The following RPS6KA5 variants were observed in gnomAD, a reference collection of about 807,000 sequenced individuals.
The protein encoded by RPS6KA5 is ribosomal protein S6 kinase A5.
RPS6KA5 carries 27 observed loss-of-function variants against 85.5 expected under a neutral mutation model. The observed-to-expected ratio is 0.32, with a 90% CI of 0.23 to 0.44. The LOEUF is 0.44. RPS6KA5 is among the 20% of genes least tolerant of loss of function. RPS6KA5 has a pLI of 1.00. For missense variants in RPS6KA5, 811 were observed against 980.9 expected, an observed-to-expected ratio of 0.83 and a Z score of 2.31; for synonymous variants, 334 against 348.2, an observed-to-expected ratio of 0.96 and a Z score of 0.46.
chr14:90,884,513 T>C (rs769238154), intron 14 of RPS6KA5, among the ~76,000 whole-genome samples: 5 of 152,206 alleles, frequency 3.3e-5, no homozygotes, highest in Admixed American at 6.5e-5. Flanking sequence ...ACTCGACCTA[T>C]ACTGTGCTAA....
chr14:90,948,929 C>T (rs1005079478), intron 3 of RPS6KA5, among the ~76,000 whole-genome samples: 2 of 152,170 alleles, frequency 1.3e-5, no homozygotes, highest in Non-Finnish European at 1.5e-5. Context: ...TTTTCTTTTA[C>T]TTTGTCCATT....
At chr14:91,025,070 A>G (rs540127848) in intron 1 of RPS6KA5, among the ~76,000 whole-genome samples, 1 of 151,554 alleles carries the variant, frequency 6.6e-6, no homozygotes, top group East Asian at 1.9e-4. Flanking sequence ...GGGGGGATGG[A>G]GTCTCATTCA....
intron 5 of RPS6KA5, among the ~76,000 whole-genome samples, chr14:90,933,833 C>G (rs1042390995): frequency 1.3e-5 from 2 of 152,158 alleles, no homozygotes; most frequent in Non-Finnish European, 2.9e-5. Context: ...ATTCTGTATG[C>G]CCACAACGGC....
At chr14:91,052,478 A>C (rs778021487) in intron 1 of RPS6KA5, 29 of 244,272 alleles carry the variant, frequency 1.2e-4, no homozygotes, top group Admixed American at 7.3e-4. Flanking sequence ...AAAAAAAAAA[A>C]AAAAAACAGA....
Position 90,886,333 on chromosome 14 carries a change from T to C in RPS6KA5, c.1836+4154A>G, listed in dbSNP as rs1595127063. On this transcript the variant is annotated intron_variant, in intron 14 of 16. Coordinates refer to ENST00000614987, the MANE Select transcript of RPS6KA5 (RefSeq NM_004755.4). ...CACTTTAAACAAAATTTTATAACAC[T>C]TCACAGGTATGTTATATATCTTATC... Among the ~76,000 whole-genome samples, 3 of 152,344 alleles carry C rather than the reference T, an allele frequency of 2.0e-5. 1 individual carries two copies. In the South Asian group the frequency reaches 6.2e-4, roughly 32 times the overall value.
intron 3 of RPS6KA5, among the ~76,000 whole-genome samples, chr14:90,948,901 G>A (rs2038025144): frequency 6.6e-6 from 1 of 152,118 alleles, no homozygotes; most frequent in Non-Finnish European, 1.5e-5. Flanking sequence ...GAATGAAATT[G>A]TTCATGAACT....
intron 7 of RPS6KA5, among the ~76,000 whole-genome samples, chr14:90,911,817 GTTA>G (rs774290202): frequency 2.0e-5 from 3 of 152,154 alleles, no homozygotes; most frequent in Non-Finnish European, 4.4e-5. Flanking sequence ...GTCTCTGCGT[GTTA>G]TTATTGACTC....
chr14:90,892,461 T>A (rs1487422111), intron 13 of RPS6KA5, among the ~76,000 whole-genome samples: 1 of 152,232 alleles, frequency 6.6e-6, no homozygotes, highest in Non-Finnish European at 1.5e-5. Context: ...CAGTTCTACA[T>A]GGAGGAGGGT....
chr14:91,023,431 C>T (rs930336355), intron 1 of RPS6KA5, among the ~76,000 whole-genome samples: 2 of 151,962 alleles, frequency 1.3e-5, no homozygotes, highest in African/African-American at 2.4e-5. Context: ...GGACTACAGG[C>T]GTGCACCACC....
Position 90,872,253 on chromosome 14 carries a change from T to G in RPS6KA5, c.2230A>C (p.Arg744=). 2 of 1,614,112 alleles carry G rather than the reference T, an allele frequency of 1.2e-6. No individual in the cohort carries two copies. Among genetic ancestry groups the G allele is most frequent in the African/African-American group, 2.7e-5 (2 of 75,032 alleles). Residue 744 remains arginine (R), a synonymous_variant, in exon 17 of 17, where the codon AGA becomes CGA. Coordinates refer to ENST00000614987, the MANE Select transcript of RPS6KA5 (RefSeq NM_004755.4). The part of the protein sequence containing the change: ...NVDKAPLAKR[R]KMKKTSTSTE... ...CTGGTGCTAGTCTTTTTCATTTTTCTTCTCTTAGCCAAAGGGGCCTTATCA... is the reference window on the plus strand; with the variant it reads ...CTGGTGCTAGTCTTTTTCATTTTTCGTCTCTTAGCCAAAGGGGCCTTATCA...
chr14:91,019,543 C>T (rs1177037007), intron 1 of RPS6KA5, among the ~76,000 whole-genome samples: 1 of 152,184 alleles, frequency 6.6e-6, no homozygotes, highest in Non-Finnish European at 1.5e-5. Context: ...TTTGGACCTG[C>T]CAGTCTCCAT....
chr14:91,060,497 C>G lies in RPS6KA5; in HGVS notation c.-63G>C. On this transcript the variant is annotated 5_prime_UTR_variant, in exon 1 of 17. Coordinates refer to ENST00000614987, the MANE Select transcript of RPS6KA5 (RefSeq NM_004755.4). ...GGGAACCCAGGAGACAGCGGACGCCCGTCCCCTCGCAGCCGCTGCCGCGGC... is the reference window on the plus strand; with the variant it reads ...GGGAACCCAGGAGACAGCGGACGCCGGTCCCCTCGCAGCCGCTGCCGCGGC... The G allele has an allele frequency of 7.8e-7, 1 of 1,283,704 alleles. No individual in the cohort carries two copies. The highest frequency in any genetic ancestry group is 9.9e-7 in the Non-Finnish European group (1 of 1,006,438). The allele number at this position is 1,283,704 out of a possible 1,614,324, so 79.5% of individuals were successfully genotyped here.
chr14:90,982,401 G>A (rs2039833496), intron 2 of RPS6KA5, among the ~76,000 whole-genome samples: 1 of 152,100 alleles, frequency 6.6e-6, no homozygotes, highest in African/African-American at 2.4e-5. Flanking sequence ...GTTTGAGACA[G>A]CAGTGAGCCA....
At position 90,920,268 on chromosome 14, in the gene RPS6KA5, T is replaced by C; in HGVS notation, c.744A>G (p.Leu248=). 7 of 1,612,808 alleles carry C rather than the reference T, an allele frequency of 4.3e-6. No individual in the cohort carries two copies. Among genetic ancestry groups the C allele is most frequent in the Non-Finnish European group, 5.9e-6 (7 of 1,179,182 alleles). Residue 248 remains leucine (L), a synonymous_variant, in exon 7 of 17, where the codon TTA becomes TTG. Coordinates refer to ENST00000614987, the MANE Select transcript of RPS6KA5 (RefSeq NM_004755.4). ...WWSLGVLMYE[L]LTGASPFTVD... is the part of the protein sequence containing the mutation. ...CAGTGAAAGGAGATGCTCCAGTTAG[T>C]AATTCATACATTAGAACACCCAAAC...
At chr14:90,890,730 T>C (rs981745830) in intron 13 of RPS6KA5, 52 bp from the exon 14 acceptor site, 6 of 1,483,386 alleles carry the variant, frequency 4.0e-6, no homozygotes, top group Admixed American at 1.7e-5. Context: ...GTCTTGGGAA[T>C]TGCTGGTACT....
intron 5 of RPS6KA5, among the ~76,000 whole-genome samples, chr14:90,930,518 CA>C (rs1223619078): frequency 2.6e-5 from 4 of 151,876 alleles, no homozygotes; most frequent in African/African-American, 9.7e-5. Flanking sequence ...GCACAGACAA[CA>C]AAAGCAAAAA....
intron 5 of RPS6KA5, among the ~76,000 whole-genome samples, chr14:90,929,839 AGAATCAAGACTTAC>A (rs2036877185): frequency 6.6e-6 from 1 of 152,160 alleles, no homozygotes; most frequent in Admixed American, 6.6e-5. Flanking sequence ...TCACCTTTTC[AGAATCAAGACTTAC>A]TATAAAATGA....
chr14:90,944,385 G>A (rs2037756890), intron 4 of RPS6KA5, among the ~76,000 whole-genome samples: 1 of 152,208 alleles, frequency 6.6e-6, no homozygotes, highest in Admixed American at 6.5e-5. Context: ...GAAGGCTGAG[G>A]CAGGAGGGTC....
intron 1 of RPS6KA5, chr14:91,060,095 T>A (rs1421268379): frequency 2.0e-6 from 2 of 985,248 alleles, no homozygotes; most frequent in African/African-American, 1.7e-5. Flanking sequence ...CTGGCCCCGA[T>A]GCCTGGTGCC....
Sources: allele counts gnomAD v4.1 joint callset (sites outside exome capture counted in the v4.1 genomes callset), GRCh38; gene constraint gnomAD v4.1.1; transcripts MANE v1.5; gene names NCBI Gene and HGNC (gene_info 2026-07-23, HGNC 2026-07-21).